Variants in INPP4B observed in about 807,000 individuals in gnomAD.
INPP4B encodes the protein inositol polyphosphate-4-phosphatase type II B, also known as inositol polyphosphate 4-phosphatase type II.
Under a neutral mutation model 122.5 loss-of-function variants are expected in INPP4B, and 55 were observed. The observed-to-expected ratio is 0.45, with a 90% CI of 0.36 to 0.56. The LOEUF (loss-of-function observed/expected upper bound fraction) is 0.56. Among genes scored for constraint, INPP4B ranks in the 20% least tolerant of loss-of-function variants. INPP4B has a pLI of 0.00. For synonymous variants in INPP4B, 403 were observed against 388.7 expected (o/e 1.04, Z -0.43); for missense variants, 1,000 against 1,097.7 (o/e 0.91, Z 1.26).
At chr4:142,177,960 C>T (rs749695690) in intron 15 of INPP4B, among the ~76,000 whole-genome samples, 14 of 152,098 alleles carry the variant, frequency 9.2e-5, no homozygotes, top group Non-Finnish European at 1.9e-4. Flanking sequence ...GTCTATATGT[C>T]CCTCCTAAGT....
At chr4:142,277,243 C>T (rs1424048290) in intron 9 of INPP4B, among the ~76,000 whole-genome samples, 6 of 149,830 alleles carry the variant, frequency 4.0e-5, no homozygotes, top group South Asian at 2.1e-4. Flanking sequence ...AGTCCTTTGT[C>T]GGACATATAC....
chr4:142,254,699 C>T (rs1448369220), intron 11 of INPP4B, among the ~76,000 whole-genome samples: 1 of 152,048 alleles, frequency 6.6e-6, no homozygotes, highest in African/African-American at 2.4e-5. Flanking sequence ...AAATATGGGA[C>T]TATGTGAAAA....
At chr4:142,108,642 C>T (rs1189911467) in intron 22 of INPP4B, among the ~76,000 whole-genome samples, 1 of 152,132 alleles carries the variant, frequency 6.6e-6, no homozygotes, top group Non-Finnish European at 1.5e-5. Flanking sequence ...CGCAGTCTTG[C>T]CCACACTATC....
chr4:142,099,323 C>T (rs1044605225), intron 23 of INPP4B, among the ~76,000 whole-genome samples: 4 of 152,066 alleles, frequency 2.6e-5, no homozygotes, highest in Admixed American at 2.6e-4. Flanking sequence ...TATGCAATGA[C>T]AAATATGAAC....
intron 2 of INPP4B, among the ~76,000 whole-genome samples, chr4:142,714,464 T>C (rs1276881015): frequency 2.6e-5 from 4 of 152,220 alleles, no homozygotes; most frequent in African/African-American, 4.8e-5. Context: ...CTAAAGTCTA[T>C]GGATTCCATA....
intron 1 of INPP4B, among the ~76,000 whole-genome samples, chr4:142,754,171 T>C (rs919947506): frequency 2.6e-5 from 4 of 152,062 alleles, no homozygotes; most frequent in South Asian, 2.1e-4. Flanking sequence ...CAGAATTTCC[T>C]TTTATACCTT....
chr4:142,253,012 A>G (rs1733202880), intron 11 of INPP4B, among the ~76,000 whole-genome samples: 1 of 152,224 alleles, frequency 6.6e-6, no homozygotes, highest in Non-Finnish European at 1.5e-5. Flanking sequence ...TATTGCTCCT[A>G]GGCTACAATC....
At chr4:142,324,024 A>G (rs1375477037) in intron 7 of INPP4B, among the ~76,000 whole-genome samples, 1 of 152,174 alleles carries the variant, frequency 6.6e-6, no homozygotes, top group Non-Finnish European at 1.5e-5. Flanking sequence ...GGGCCTTTAC[A>G]GAAGTGATTA....
intron 2 of INPP4B, among the ~76,000 whole-genome samples, chr4:142,685,789 T>G (rs1380927659): frequency 6.6e-6 from 1 of 152,064 alleles, no homozygotes; most frequent in African/African-American, 2.4e-5. Context: ...TAAATAGGTT[T>G]CTATGTGTAC....
intron 11 of INPP4B, among the ~76,000 whole-genome samples, chr4:142,247,603 T>C (rs113828607): frequency 0.029 from 4,463 of 152,272 alleles, 203 homozygotes; most frequent in African/African-American, 0.1. Context: ...TATTCTCTGA[T>C]GGTAGTTTGT....
At chr4:142,800,945 G>C (rs146340679) in intron 1 of INPP4B, among the ~76,000 whole-genome samples, 1 of 152,232 alleles carries the variant, frequency 6.6e-6, no homozygotes, top group East Asian at 1.9e-4. Flanking sequence ...CTGTAGAGAA[G>C]GTCACTTAAA....
At chr4:142,624,607 G>A (rs937200330) in intron 2 of INPP4B, among the ~76,000 whole-genome samples, 2 of 152,020 alleles carry the variant, frequency 1.3e-5, no homozygotes, top group African/African-American at 4.8e-5. Flanking sequence ...AGAAAAAGAG[G>A]GAATCCTCCT....
At chr4:142,836,036 G>T (rs1782729610) in intron 1 of INPP4B, among the ~76,000 whole-genome samples, 1 of 152,118 alleles carries the variant, frequency 6.6e-6, no homozygotes, top group Non-Finnish European at 1.5e-5. Context: ...AATCACTGAT[G>T]TCTAGCATGA....
chr4:142,781,227 A>T (rs966813299), intron 1 of INPP4B, among the ~76,000 whole-genome samples: 1 of 149,288 alleles, frequency 6.7e-6, no homozygotes, highest in African/African-American at 2.4e-5. Flanking sequence ...CAAATCTCCT[A>T]TGAGGATGTA....
At chr4:142,148,930 C>T (rs1435089599) in intron 17 of INPP4B, among the ~76,000 whole-genome samples, 1 of 152,184 alleles carries the variant, frequency 6.6e-6, no homozygotes, top group Non-Finnish European at 1.5e-5. Flanking sequence ...GTTACTAATA[C>T]ATAATTTATG....
intron 2 of INPP4B, among the ~76,000 whole-genome samples, chr4:142,623,824 T>C (rs963455706): frequency 6.6e-6 from 1 of 151,664 alleles, no homozygotes; most frequent in African/African-American, 2.4e-5. Flanking sequence ...TAGTGTTTGG[T>C]TTTTTGTCCT....
chr4:142,040,500 C>T (rs3775600), intron 25 of INPP4B, among the ~76,000 whole-genome samples: 13,854 of 152,002 alleles, frequency 0.091, 1,061 homozygotes, highest in East Asian at 0.27. Context: ...ACCCACTTTG[C>T]TAGATAGGAG....
chr4:142,276,633 T>C (rs1468593538), intron 9 of INPP4B, among the ~76,000 whole-genome samples: 1 of 151,928 alleles, frequency 6.6e-6, no homozygotes, highest in Non-Finnish European at 1.5e-5. Flanking sequence ...AGAAAAGTTC[T>C]TAGGTTTAAA....
intron 2 of INPP4B, among the ~76,000 whole-genome samples, chr4:142,720,731 C>CAT (rs545001830): frequency 0.021 from 444 of 21,140 alleles, 48 homozygotes; most frequent in South Asian, 0.035. Context: ...TATATATATA[C>CAT]ATATATATAT....
Sources: allele counts gnomAD v4.1 joint callset (sites outside exome capture counted in the v4.1 genomes callset), GRCh38; gene constraint gnomAD v4.1.1; transcripts MANE v1.5; gene names NCBI Gene and HGNC (gene_info 2026-07-23, HGNC 2026-07-21).